PTPRG: variants seen among roughly 807,000 people sequenced by gnomAD.
PTPRG encodes the protein receptor-type tyrosine-protein phosphatase gamma.
Under a neutral mutation model 165.3 loss-of-function variants are expected in PTPRG, and 102 were observed. That is an observed-to-expected ratio of 0.62 (90% CI 0.53 to 0.73). PTPRG has a LOEUF of 0.73. Among genes scored for constraint, PTPRG ranks in the 30% least tolerant of loss-of-function variants. The probability of loss-of-function intolerance (pLI) is 0.00; values close to 1 mark genes in which losing one functional copy is unlikely to be tolerated. For missense variants in PTPRG, 1,866 were observed against 1,861.4 expected (o/e 1.00, Z -0.05); for synonymous variants, 675 against 669.5 (o/e 1.01, Z -0.13).
intron 2 of PTPRG, among the ~76,000 whole-genome samples, chr3:61,912,366 T>C (rs2038823766): frequency 6.6e-6 from 1 of 152,174 alleles, no homozygotes; most frequent in Non-Finnish European, 1.5e-5. Context: ...AGAGGGTGTT[T>C]TCTTGGTTCC....
chr3:62,128,086 G>C (rs1300228653), intron 5 of PTPRG, among the ~76,000 whole-genome samples: 2 of 152,166 alleles, frequency 1.3e-5, no homozygotes, highest in African/African-American at 4.8e-5. Context: ...TGTATCTAAA[G>C]ACAACTGAAA....
At position 62,240,043 on chromosome 3, in the gene PTPRG, A is replaced by G. The variant is rs954673707; in HGVS notation, c.2376-3764A>G. On this transcript the variant is annotated intron_variant, in intron 14 of 29. Transcript: ENST00000474889. The surrounding 1 kb of genome is among the most constrained non-coding windows in gnomAD (Gnocchi z 5.1). ...TGGCCCAGAGTAGACCCCCCAATAG[A>G]TAGTTATTAAAGGAATAAATTAAAT... 9.9e-5 allele frequency among the ~76,000 whole-genome samples: 15 copies of G among 152,142 alleles called. No individual in the cohort carries two copies. Among genetic ancestry groups the G allele is most frequent in the Admixed American group, 9.2e-4 (14 of 15,280 alleles).
chr3:62,179,274 G>A (rs950259316), intron 8 of PTPRG, among the ~76,000 whole-genome samples: 9 of 152,138 alleles, frequency 5.9e-5, no homozygotes, highest in African/African-American at 1.9e-4. Flanking sequence ...TTCCTTCTCA[G>A]CACAGCCAGT....
intron 2 of PTPRG, among the ~76,000 whole-genome samples, chr3:61,820,354 G>A (rs562456167): frequency 8.5e-5 from 13 of 152,218 alleles, no homozygotes; most frequent in African/African-American, 3.1e-4. Flanking sequence ...TTCTATTCAG[G>A]CACTCAGGGT....
chr3:61,672,183 C>T (rs1427280504), intron 1 of PTPRG, among the ~76,000 whole-genome samples: 1 of 138,906 alleles, frequency 7.2e-6, no homozygotes, highest in African/African-American at 2.7e-5. Flanking sequence ...AGAGGCGCTC[C>T]TCACTTCCTA....
intron 2 of PTPRG, among the ~76,000 whole-genome samples, chr3:61,885,305 C>A (rs2037997338): frequency 6.6e-6 from 1 of 152,082 alleles, no homozygotes; most frequent in Non-Finnish European, 1.5e-5. Context: ...GTGTGGATTT[C>A]TTTTTTACTA....
chr3:61,631,958 TGGGAGCCACATATA>T (rs1430888807), intron 1 of PTPRG, among the ~76,000 whole-genome samples: 1 of 152,072 alleles, frequency 6.6e-6, no homozygotes, highest in African/African-American at 2.4e-5. Context: ...TTGGAGGCAG[TGGGAGCCACATATA>T]GGGAGTGATC....
intron 5 of PTPRG, among the ~76,000 whole-genome samples, chr3:62,106,002 C>T (rs953311): frequency 0.6 from 90,572 of 151,930 alleles, 27,472 homozygotes; most frequent in Middle Eastern, 0.66. Flanking sequence ...TTTTTTCTGC[C>T]TTATAAATAT....
At chr3:61,788,787 C>A (rs1326668201) in intron 2 of PTPRG, among the ~76,000 whole-genome samples, 1 of 152,140 alleles carries the variant, frequency 6.6e-6, no homozygotes, top group African/African-American at 2.4e-5. Flanking sequence ...CAACCATAGA[C>A]CATACCTTAA....
At chr3:61,797,718 A>G (rs944011920) in intron 2 of PTPRG, among the ~76,000 whole-genome samples, 1 of 151,862 alleles carries the variant, frequency 6.6e-6, no homozygotes, top group African/African-American at 2.4e-5. Flanking sequence ...GTAGAGTTGT[A>G]AAGCCAAGTC....
At chr3:61,979,819 A>T (rs2040596915) in intron 2 of PTPRG, among the ~76,000 whole-genome samples, 1 of 152,224 alleles carries the variant, frequency 6.6e-6, no homozygotes, top group African/African-American at 2.4e-5. Flanking sequence ...TGTCACAGGA[A>T]GTGAGTTAAT....
rs141032652 is a variant in PTPRG at position 61,889,092 on chromosome 3, C to CT, written c.191-100530dup. 7.5e-3 allele frequency among the ~76,000 whole-genome samples: 1,135 copies of CT among 152,290 alleles called. 8 individuals carry two copies. Among genetic ancestry groups the CT allele is most frequent in the African/African-American group, 0.026 (1,089 of 41,562 alleles). On this transcript the variant is annotated intron_variant, in intron 2 of 29. Transcript: ENST00000474889. ...AGTTAAAGTGACTTGTAAGATGATA[C>CT]TTTGAATCTGTGTAAATACCATATT...
At chr3:61,604,716 A>G (rs896346869) in intron 1 of PTPRG, among the ~76,000 whole-genome samples, 1 of 152,066 alleles carries the variant, frequency 6.6e-6, no homozygotes, top group Non-Finnish European at 1.5e-5. Flanking sequence ...TAACACTGCC[A>G]TTCATCAGCT....
intron 2 of PTPRG, among the ~76,000 whole-genome samples, chr3:61,797,581 A>ACCAACCCCCCCCCC (rs2035088327): frequency 1.6e-5 from 2 of 127,374 alleles, no homozygotes; most frequent in African/African-American, 3.0e-5. Context: ...TTATCTCCAC[A>ACCAACCCCCCCCCC]CCCCCCCCCA....
chr3:62,204,060 A>C, intron 12 of PTPRG, 110 bp downstream of exon 12: 3 of 1,441,790 alleles, frequency 2.1e-6, no homozygotes, highest in Non-Finnish European at 2.7e-6. Context: ...TAATATTCTT[A>C]GAATCATATA....
intron 2 of PTPRG, among the ~76,000 whole-genome samples, chr3:61,922,576 A>G (rs1261197032): frequency 1.3e-5 from 2 of 152,096 alleles, no homozygotes; most frequent in Non-Finnish European, 1.5e-5. Flanking sequence ...GCACTTAACT[A>G]TTTCTTGTCT....
At chr3:62,017,591 A>ATT (rs11324791) in intron 4 of PTPRG, among the ~76,000 whole-genome samples, 8,573 of 142,760 alleles carry the variant, frequency 0.06, 358 homozygotes, top group South Asian at 0.11. Flanking sequence ...AATTTTTTGT[A>ATT]TTTTTTTTTT....
intron 1 of PTPRG, among the ~76,000 whole-genome samples, chr3:61,718,362 G>A (rs764868855): frequency 2.6e-5 from 4 of 152,106 alleles, no homozygotes; most frequent in African/African-American, 4.8e-5. Context: ...AGCTGTGATG[G>A]TCCATAGAAA....
intron 4 of PTPRG, among the ~76,000 whole-genome samples, chr3:62,033,530 T>TCC (rs147045221): frequency 2.2e-5 from 3 of 134,176 alleles, no homozygotes; most frequent in Non-Finnish European, 3.2e-5. Context: ...ATGCCTATCT[T>TCC]CCCCCCCCCA....
Sources: allele counts gnomAD v4.1 joint callset (sites outside exome capture counted in the v4.1 genomes callset), GRCh38; gene constraint gnomAD v4.1.1; non-coding constraint Gnocchi (gnomAD v3.1); transcripts MANE v1.5; gene names NCBI Gene and HGNC (gene_info 2026-07-23, HGNC 2026-07-21).